The following CEMIP2 variants were observed in gnomAD, a reference collection of about 807,000 sequenced individuals.
The protein encoded by CEMIP2 is cell surface hyaluronidase CEMIP2.
In CEMIP2, 79 loss-of-function variants were observed where a neutral mutation model predicts 146.9. That is an observed-to-expected ratio of 0.54 (90% CI 0.45 to 0.65). CEMIP2 has a LOEUF of 0.65. Among genes scored for constraint, CEMIP2 ranks in the 30% least tolerant of loss-of-function variants. The probability of loss-of-function intolerance (pLI) is 0.00; values close to 1 mark genes in which losing one functional copy is unlikely to be tolerated. For synonymous variants in CEMIP2, 601 were observed against 606.3 expected, an observed-to-expected ratio of 0.99 and a Z score of 0.13; for missense variants, 1,596 against 1,696.2, an observed-to-expected ratio of 0.94 and a Z score of 1.04.
chr9:71,710,582 C>T (rs1278478623), intron 16 of CEMIP2, among the ~76,000 whole-genome samples: 1 of 152,188 alleles, frequency 6.6e-6, no homozygotes, highest in Non-Finnish European at 1.5e-5. Context: ...AACTGCTGGA[C>T]TTAAACAATA....
chr9:71,729,409 G>A (rs947408489), intron 10 of CEMIP2, among the ~76,000 whole-genome samples: 4 of 151,888 alleles, frequency 2.6e-5, no homozygotes, highest in African/African-American at 9.7e-5. Context: ...CACGAGGTCA[G>A]GAGATTGAGA....
intron 5 of CEMIP2, among the ~76,000 whole-genome samples, chr9:71,736,742 A>G (rs1378716471): frequency 6.6e-6 from 1 of 152,218 alleles, no homozygotes; most frequent in East Asian, 1.9e-4. Context: ...TTTAACGGAA[A>G]TGTCCATGAA....
intron 15 of CEMIP2, among the ~76,000 whole-genome samples, chr9:71,713,485 G>A (rs996727564): frequency 2.6e-5 from 4 of 151,952 alleles, no homozygotes; most frequent in Admixed American, 6.6e-5. Context: ...GTGTGAAAAC[G>A]GACTAATACA....
chr9:71,702,200 G>T (rs1822580755), intron 18 of CEMIP2, among the ~76,000 whole-genome samples: 1 of 150,654 alleles, frequency 6.6e-6, no homozygotes, highest in Non-Finnish European at 1.5e-5. Flanking sequence ...GGAGGTTGCA[G>T]TGAGCCAAGA....
At position 71,745,469 on chromosome 9, in the gene CEMIP2, G is replaced by A. The variant is rs369917180; in HGVS notation, c.583C>T (p.Arg195Cys). 42 of 1,613,464 alleles carry A rather than the reference G, an allele frequency of 2.6e-5. No homozygotes were observed. The highest frequency in any genetic ancestry group is 6.7e-5 in the African/African-American group (5 of 74,806). The change falls in exon 4 of 24, where the codon CGC (arginine) becomes TGC (cysteine). Residue 195 changes from arginine (R) to cysteine (C), a missense_variant. By Grantham distance (180) the Arg-to-Cys change is radical. Transcript: ENST00000377044. ...GALHIGAEKC[R>C]YKSKATITLY... ...GTAATTGTCGCTTTGGATTTATAGC[G>A]GCATTTTTCTGCTCCAATATGAAGC... is the stretch of plus-strand genomic sequence containing the variant.
intron 1 of CEMIP2, among the ~76,000 whole-genome samples, chr9:71,755,210 TAA>T (rs1824391772): frequency 7.0e-6 from 1 of 143,750 alleles, no homozygotes; most frequent in Non-Finnish European, 1.5e-5. Context: ...TTTTTACCTA[TAA>T]AAAGAGGCAT....
chr9:71,694,122 TATTTATTTA>T (rs1306419191), intron 21 of CEMIP2, among the ~76,000 whole-genome samples: 3 of 151,354 alleles, frequency 2.0e-5, no homozygotes, highest in African/African-American at 7.3e-5. Context: ...TTTATTTATT[TATTTATTTA>T]TTTATTTTGG....
At chr9:71,686,064 T>C in intron 22 of CEMIP2, 1 of 511,888 alleles carries the variant, frequency 2.0e-6, no homozygotes, top group Non-Finnish European at 3.5e-6. Flanking sequence ...AACGCATACA[T>C]AAACCAAATC....
chr9:71,696,492 C>T (rs1383936954), intron 20 of CEMIP2, among the ~76,000 whole-genome samples: 1 of 151,562 alleles, frequency 6.6e-6, no homozygotes, highest in East Asian at 1.9e-4. Flanking sequence ...AAAAAATTGG[C>T]CAGTGCAGAG....
intron 5 of CEMIP2, among the ~76,000 whole-genome samples, chr9:71,738,635 C>G (rs944681160): frequency 6.6e-5 from 10 of 151,692 alleles, no homozygotes; most frequent in African/African-American, 2.4e-4. Flanking sequence ...GTCGGGAGTT[C>G]AAGACCAGCC....
chr9:71,688,934 A>T (rs1255143816), intron 22 of CEMIP2, among the ~76,000 whole-genome samples: 1 of 152,116 alleles, frequency 6.6e-6, no homozygotes, highest in East Asian at 1.9e-4. Flanking sequence ...TGCAAACGAA[A>T]CCTATCTGCA....
At chr9:71,702,317 C>T (rs1468983953) in intron 18 of CEMIP2, among the ~76,000 whole-genome samples, 1 of 147,660 alleles carries the variant, frequency 6.8e-6, no homozygotes, top group Non-Finnish European at 1.5e-5. Context: ...AAAAAATAAC[C>T]CCACTAAAGA....
intron 5 of CEMIP2, 95 bp downstream of exon 5, chr9:71,739,967 CG>C (rs1823867103): frequency 2.6e-6 from 3 of 1,157,692 alleles, no homozygotes; most frequent in Non-Finnish European, 3.6e-6. Context: ...TCTAACCAGG[CG>C]GACTGTCATT....
Position 71,704,725 on chromosome 9 carries a change from G to A in CEMIP2, c.3064C>T (p.Leu1022Phe). The A allele has an allele frequency of 6.2e-7, 1 of 1,614,166 alleles. No individual in the cohort carries two copies. Among genetic ancestry groups the A allele is most frequent in the South Asian group, 1.1e-5 (1 of 91,080 alleles). Residue 1022 changes from leucine (L) to phenylalanine (F), a missense_variant, in exon 18 of 24, where the codon CTC becomes TTC. Physicochemically the swap from Leu to Phe is conservative, Grantham distance 22. Coordinates refer to ENST00000377044, the MANE Select transcript of CEMIP2 (RefSeq NM_013390.3). ...RDEYPSNPMV[L>F]RGINQKAAFP... ...GCAGCCTTCTGATTAATACCTCGGA[G>A]CACCATAGGGTTGGACGGATACTCA...
chr9:71,701,231 G>A (rs577858028), intron 18 of CEMIP2, among the ~76,000 whole-genome samples: 38 of 152,114 alleles, frequency 2.5e-4, no homozygotes, highest in Admixed American at 4.6e-4. Flanking sequence ...TCAGCCTCTC[G>A]AGTAGCTGGG....
At chr9:71,764,065 T>C (rs1011582110) in intron 1 of CEMIP2, among the ~76,000 whole-genome samples, 2 of 152,228 alleles carry the variant, frequency 1.3e-5, no homozygotes, top group Non-Finnish European at 2.9e-5. Context: ...AAACATATTC[T>C]AGTATGCTTT....
At chr9:71,746,369 C>A in intron 2 of CEMIP2, 28 bp from the exon 3 acceptor site, 1 of 1,611,862 alleles carries the variant, frequency 6.2e-7, no homozygotes, top group South Asian at 1.1e-5. Context: ...TTCCATCCAA[C>A]CCATTAAAAT....
rs1212243138 is a variant in CEMIP2, at chr9:71,698,110, T to G, written c.3472A>C (p.Thr1158Pro). The change falls in exon 20 of 24, where the codon ACA becomes CCA. Residue 1158 changes from threonine (T) to proline (P), a missense_variant. Physicochemically the swap from Thr to Pro is conservative, Grantham distance 38. Transcript: ENST00000377044. ...CAGTTACTGATGTCCTTTGAGTCTG[T>G]GGCTGCTTGGATCTTGACTCTTTCA... is the stretch of plus-strand genomic sequence containing the variant. ...GCERVKIQAA[T>P]DSKDISNCMA... is the part of the protein sequence containing the mutation. 1.2e-6 allele frequency: 2 copies of G among 1,614,082 alleles called. No individual in the cohort carries two copies. Among genetic ancestry groups the G allele is most frequent in the Non-Finnish European group, 1.7e-6 (2 of 1,180,044 alleles).
At position 71,704,796 on chromosome 9, in the gene CEMIP2, A is replaced by G. The variant is rs758114022; in HGVS notation, c.2993T>C (p.Val998Ala). Residue 998 changes from valine to alanine, a missense_variant, in exon 18 of 24, where the codon GTA becomes GCA. Physicochemically the swap from Val to Ala is moderately conservative, Grantham distance 64. Coordinates refer to ENST00000377044, the MANE Select transcript of CEMIP2 (RefSeq NM_013390.3). ...ICSGTYAQVY[V>A]QTWSTQNLSM... ...AAGATTCTGAGTGCTCCATGTCTGT[A>G]CATAGACCTTGAAAAAATAATCAAG... 38 of 1,612,854 alleles carry G rather than the reference A, an allele frequency of 2.4e-5. No homozygotes were observed. The Middle Eastern group carries it at 9.9e-4, about 42-fold the overall frequency.
Sources: allele counts gnomAD v4.1 joint callset (sites outside exome capture counted in the v4.1 genomes callset), GRCh38; gene constraint gnomAD v4.1.1; transcripts MANE v1.5; gene names NCBI Gene and HGNC (gene_info 2026-07-23, HGNC 2026-07-21).